Variants in NALF1 observed in about 807,000 individuals in gnomAD.
NALF1 encodes the protein NALCN channel auxiliary factor 1, also known as family with sequence similarity 155 member A.
Under a neutral mutation model 48.4 loss-of-function variants are expected in NALF1, and 3 were observed. The ratio of observed to expected loss-of-function variants is 0.06; its 90% CI spans 0.03 to 0.16. The LOEUF is 0.16. Ranked by LOEUF, NALF1 falls within the 10% of genes least tolerant of loss-of-function variation. The pLI is 1.00. For synonymous variants in NALF1, 262 were observed against 245.7 expected (o/e 1.07, Z -0.62); for missense variants, 526 against 571.5 (o/e 0.92, Z 0.81).
chr13:107,579,004 A>T (rs1419543545), intron 1 of NALF1, among the ~76,000 whole-genome samples: 1 of 152,176 alleles, frequency 6.6e-6, no homozygotes, highest in Non-Finnish European at 1.5e-5. Context: ...ACTCTGCTCC[A>T]AGCCATCATT....
intron 1 of NALF1, among the ~76,000 whole-genome samples, chr13:107,733,617 T>C (rs1876377793): frequency 6.6e-6 from 1 of 152,168 alleles, no homozygotes; most frequent in South Asian, 2.1e-4. Context: ...TTATTAGTAT[T>C]AGTGTAAAAT....
intron 1 of NALF1, among the ~76,000 whole-genome samples, chr13:107,315,897 A>G (rs113150620): frequency 6.7e-6 from 1 of 149,340 alleles, no homozygotes; most frequent in Non-Finnish European, 1.5e-5. Flanking sequence ...ATATATATAT[A>G]TATTTATTTA....
intron 2 of NALF1, among the ~76,000 whole-genome samples, chr13:107,210,238 A>C (rs796789117): frequency 1.3e-5 from 2 of 152,332 alleles, no homozygotes; most frequent in East Asian, 3.9e-4. Context: ...GCCTTAGCAC[A>C]TCTCCTGTTC....
chr13:107,438,975 AT>A (rs1274028072), intron 1 of NALF1, among the ~76,000 whole-genome samples: 1 of 151,656 alleles, frequency 6.6e-6, no homozygotes, highest in African/African-American at 2.4e-5. Context: ...TGTTTTTGGT[AT>A]TTTTATTTGA....
intron 1 of NALF1, among the ~76,000 whole-genome samples, chr13:107,629,375 C>T (rs965996264): frequency 3.3e-5 from 5 of 152,130 alleles, no homozygotes; most frequent in African/African-American, 1.2e-4. Context: ...AAGAATGTAT[C>T]ATATTGTTCT....
chr13:107,716,589 C>T (rs987407289), intron 1 of NALF1, among the ~76,000 whole-genome samples: 4 of 152,190 alleles, frequency 2.6e-5, no homozygotes, highest in African/African-American at 9.7e-5. Context: ...CAAATCTTTA[C>T]AGGGCATTAT....
At chr13:107,314,416 T>C (rs974247174) in intron 1 of NALF1, among the ~76,000 whole-genome samples, 1 of 152,126 alleles carries the variant, frequency 6.6e-6, no homozygotes, top group African/African-American at 2.4e-5. Flanking sequence ...AGTTTTATTT[T>C]GCACCACTGT....
intron 1 of NALF1, among the ~76,000 whole-genome samples, chr13:107,501,612 C>T (rs887268642): frequency 1.1e-4 from 17 of 152,138 alleles, no homozygotes; most frequent in African/African-American, 2.9e-4. Context: ...TAGGGGTGTG[C>T]ATTATTTAAG....
At chr13:107,268,188 C>A (rs1487471177) in intron 1 of NALF1, among the ~76,000 whole-genome samples, 3 of 151,986 alleles carry the variant, frequency 2.0e-5, no homozygotes, top group African/African-American at 4.8e-5. Context: ...CTGGGTTTTA[C>A]CATGTTGGCC....
chr13:107,329,970 G>C (rs907892343), intron 1 of NALF1, among the ~76,000 whole-genome samples: 1 of 152,100 alleles, frequency 6.6e-6, no homozygotes, highest in African/African-American at 2.4e-5. Context: ...ATAGGATTTG[G>C]GGAAGTGAGG....
chr13:107,631,141 C>T (rs1042843908), intron 1 of NALF1, among the ~76,000 whole-genome samples: 1 of 152,080 alleles, frequency 6.6e-6, no homozygotes, highest in Non-Finnish European at 1.5e-5. Context: ...GGACTACAGG[C>T]TCACGCCACC....
chr13:107,585,573 T>C (rs1397023696), intron 1 of NALF1, among the ~76,000 whole-genome samples: 2 of 152,284 alleles, frequency 1.3e-5, no homozygotes, highest in South Asian at 2.1e-4. Context: ...AATGATGATG[T>C]TTTAGCCCAG....
rs188904934 is a variant in NALF1, at chr13:107,682,539, C to A, written c.915+183143G>T. Reference sequence around the variant, plus strand: ...TCAAATATTTCATCCCGAACGAGGCCCCCGGGACCTCCCACTCAAAATTAG... The same window carrying A: ...TCAAATATTTCATCCCGAACGAGGCACCCGGGACCTCCCACTCAAAATTAG... On this transcript the variant is annotated intron_variant, in intron 1 of 2. Coordinates refer to ENST00000375915, the MANE Select transcript of NALF1 (RefSeq NM_001080396.3). 3.3e-3 allele frequency among the ~76,000 whole-genome samples: 503 copies of A among 152,296 alleles called. 4 individuals carry two copies. The highest frequency in any genetic ancestry group is 5.2e-3 in the Non-Finnish European group (357 of 68,028).
At chr13:107,860,286 T>G (rs1046377018) in intron 1 of NALF1, among the ~76,000 whole-genome samples, 2 of 152,186 alleles carry the variant, frequency 1.3e-5, no homozygotes, top group Non-Finnish European at 2.9e-5. Context: ...GGGATATGTC[T>G]TACTGCCATT....
intron 1 of NALF1, among the ~76,000 whole-genome samples, chr13:107,725,865 T>C (rs563467575): frequency 1.3e-5 from 2 of 152,338 alleles, no homozygotes; most frequent in Non-Finnish European, 2.9e-5. Flanking sequence ...CGTTTTGGTT[T>C]TGTAATTTTT....
chr13:107,359,620 C>T (rs570597293), intron 1 of NALF1, among the ~76,000 whole-genome samples: 15 of 151,758 alleles, frequency 9.9e-5, no homozygotes, highest in Non-Finnish European at 1.9e-4. Flanking sequence ...CCCTCCCTCC[C>T]TCTCTTCCTT....
At chr13:107,391,315 T>A (rs1022958293) in intron 1 of NALF1, among the ~76,000 whole-genome samples, 2 of 152,092 alleles carry the variant, frequency 1.3e-5, no homozygotes, top group Non-Finnish European at 1.5e-5. Flanking sequence ...TAAATTCTCA[T>A]CAGATGGGTT....
intron 1 of NALF1, among the ~76,000 whole-genome samples, chr13:107,351,671 A>G (rs1882878127): frequency 6.6e-6 from 1 of 152,224 alleles, no homozygotes; most frequent in African/African-American, 2.4e-5. Context: ...CACCGGATGC[A>G]CTGGTGGCGT....
chr13:107,456,046 C>T (rs1333787896), intron 1 of NALF1, among the ~76,000 whole-genome samples: 1 of 152,128 alleles, frequency 6.6e-6, no homozygotes, highest in Non-Finnish European at 1.5e-5. Context: ...CCCAGAAGAA[C>T]AACTGCTAGA....
Sources: gnomAD v4.1 joint callset for allele counts (sites outside exome capture counted in the v4.1 genomes callset) on GRCh38, gnomAD v4.1.1 for gene constraint, MANE v1.5 for transcripts, NCBI Gene and HGNC (gene_info 2026-07-23, HGNC 2026-07-21) for gene names.